Variants in DYNC1I2 observed in about 807,000 individuals in gnomAD.
DYNC1I2 encodes cytoplasmic dynein 1 intermediate chain 2.
DYNC1I2 carries 53 observed loss-of-function variants against 88.6 expected under a neutral mutation model. The observed-to-expected ratio is 0.60, with a 90% confidence interval of 0.48 to 0.75. The LOEUF is 0.75. Ranked by LOEUF, DYNC1I2 falls within the 30% of genes least tolerant of loss-of-function variation. DYNC1I2 has a pLI of 0.00. For synonymous variants in DYNC1I2, 198 were observed against 254.6 expected (o/e 0.78, Z 2.12); for missense variants, 458 against 766.6 (o/e 0.60, Z 4.75).
At chr2:171,737,676 C>T (rs925987107) in intron 15 of DYNC1I2, among the ~76,000 whole-genome samples, 1 of 152,148 alleles carries the variant, frequency 6.6e-6, no homozygotes, top group Non-Finnish European at 1.5e-5. Context: ...GCCTCGGGCT[C>T]CCAAAGTGGT....
chr2:171,734,538 T>A (rs989527740), intron 15 of DYNC1I2, among the ~76,000 whole-genome samples: 1 of 152,218 alleles, frequency 6.6e-6, no homozygotes, highest in Non-Finnish European at 1.5e-5. Flanking sequence ...TCAATTGGGA[T>A]ACATGCCTCT....
intron 7 of DYNC1I2, among the ~76,000 whole-genome samples, chr2:171,718,728 G>A (rs898918217): frequency 2.6e-5 from 4 of 151,826 alleles, no homozygotes; most frequent in African/African-American, 9.7e-5. Context: ...CCACTGCCCC[G>A]GCCGTCTCCA....
At chr2:171,747,334 G>C (rs1047238941) in intron 17 of DYNC1I2, among the ~76,000 whole-genome samples, 5 of 150,938 alleles carry the variant, frequency 3.3e-5, no homozygotes, top group Non-Finnish European at 5.9e-5. Context: ...AAGGAGTTAA[G>C]GTATCAAGAA....
intron 7 of DYNC1I2, among the ~76,000 whole-genome samples, chr2:171,720,248 TTTC>T (rs900592738): frequency 1.3e-5 from 2 of 152,208 alleles, no homozygotes; most frequent in African/African-American, 4.8e-5. Context: ...TCCATTCCAC[TTTC>T]TTATCTGTGA....
At chr2:171,704,291 T>G (rs1204389414) in intron 3 of DYNC1I2, among the ~76,000 whole-genome samples, 1 of 152,082 alleles carries the variant, frequency 6.6e-6, no homozygotes, top group African/African-American at 2.4e-5. Context: ...AGTACAGTCT[T>G]TCTCACATTA....
chr2:171,702,979 C>T (rs921241281), intron 3 of DYNC1I2, among the ~76,000 whole-genome samples: 1 of 152,174 alleles, frequency 6.6e-6, no homozygotes, highest in Admixed American at 6.5e-5. Flanking sequence ...CCTGCCTTGA[C>T]CTTCCAAGAT....
chr2:171,713,788 A>G (rs1474164190), intron 6 of DYNC1I2, among the ~76,000 whole-genome samples: 1 of 152,172 alleles, frequency 6.6e-6, no homozygotes, highest in Non-Finnish European at 1.5e-5. Context: ...GAGGCATGTA[A>G]GAAAAATATA....
intron 15 of DYNC1I2, among the ~76,000 whole-genome samples, chr2:171,739,521 TA>T (rs1397342746): frequency 1.3e-5 from 2 of 152,070 alleles, no homozygotes; most frequent in African/African-American, 4.8e-5. Flanking sequence ...TATGTATTTC[TA>T]AAAAATAAAA....
intron 6 of DYNC1I2, among the ~76,000 whole-genome samples, chr2:171,715,098 CT>C (rs1488299077): frequency 2.0e-5 from 3 of 152,096 alleles, no homozygotes; most frequent in Non-Finnish European, 2.9e-5. Flanking sequence ...AATTACTTGC[CT>C]TTTTAAAATG....
chr2:171,698,140 G>A (rs113354910), intron 3 of DYNC1I2, among the ~76,000 whole-genome samples: 6 of 152,206 alleles, frequency 3.9e-5, no homozygotes, highest in African/African-American at 1.4e-4. Context: ...ATCTGATGGT[G>A]TTAATACTCA....
At chr2:171,729,688 T>C (rs1234278408) in intron 14 of DYNC1I2, 21 bp from the exon 15 acceptor site, 1 of 1,611,610 alleles carries the variant, frequency 6.2e-7, no homozygotes, top group South Asian at 1.1e-5. Context: ...TTCTCTAACA[T>C]TTTCACTTTT....
At chr2:171,705,761 C>T (rs972179626) in intron 3 of DYNC1I2, among the ~76,000 whole-genome samples, 6 of 152,054 alleles carry the variant, frequency 3.9e-5, no homozygotes, top group African/African-American at 1.4e-4. Context: ...GCACCTAGCA[C>T]AGTGCCACCT....
intron 3 of DYNC1I2, among the ~76,000 whole-genome samples, chr2:171,698,185 T>A (rs1336267494): frequency 6.6e-6 from 1 of 152,174 alleles, no homozygotes; most frequent in African/African-American, 2.4e-5. Context: ...TAATTAAGAG[T>A]TGCAGCATTG....
At chr2:171,744,855 A>G (rs1486642118) in intron 16 of DYNC1I2, among the ~76,000 whole-genome samples, 2 of 152,180 alleles carry the variant, frequency 1.3e-5, no homozygotes, top group African/African-American at 4.8e-5. Flanking sequence ...TGCTATTAGT[A>G]ATATAATTAA....
At chr2:171,713,580 G>A (rs951854008) in intron 6 of DYNC1I2, among the ~76,000 whole-genome samples, 70 of 151,570 alleles carry the variant, frequency 4.6e-4, no homozygotes, top group African/African-American at 1.4e-3. Flanking sequence ...TTTTAATTTT[G>A]TTGACATAGA....
chr2:171,706,767 TGA>T, intron 4 of DYNC1I2: 1 of 477,938 alleles, frequency 2.1e-6, no homozygotes, highest in African/African-American at 2.0e-5. Context: ...GGGGAGGCAG[TGA>T]AATCATTTTA....
At chr2:171,746,892 TC>T (rs1689820346) in intron 17 of DYNC1I2, among the ~76,000 whole-genome samples, 1 of 152,028 alleles carries the variant, frequency 6.6e-6, no homozygotes, top group South Asian at 2.1e-4. Flanking sequence ...ATGGCAGTTA[TC>T]AAAAATATTT....
intron 3 of DYNC1I2, among the ~76,000 whole-genome samples, chr2:171,695,769 G>A (rs1685720625): frequency 6.6e-6 from 1 of 152,078 alleles, no homozygotes; most frequent in African/African-American, 2.4e-5. Context: ...GCTTAATTAG[G>A]TTCTGCGTGT....
chr2:171,733,810 A>G (rs533793463), intron 15 of DYNC1I2, among the ~76,000 whole-genome samples: 8 of 150,748 alleles, frequency 5.3e-5, no homozygotes, highest in Non-Finnish European at 1.0e-4. Flanking sequence ...ATTGGATCCC[A>G]TTCGTCAAAT....
Sources: allele counts gnomAD v4.1 joint callset (sites outside exome capture counted in the v4.1 genomes callset), GRCh38; gene constraint gnomAD v4.1.1; transcripts MANE v1.5; gene names NCBI Gene and HGNC (gene_info 2026-07-23, HGNC 2026-07-21).